HIP1: variants seen among roughly 807,000 people sequenced by gnomAD.
HIP1 encodes the protein huntingtin-interacting protein 1.
Under a neutral mutation model 147.6 loss-of-function variants are expected in HIP1, and 65 were observed. The observed-to-expected ratio is 0.44, with a 90% CI of 0.36 to 0.54. The LOEUF (loss-of-function observed/expected upper bound fraction) is 0.54. HIP1 is among the 20% of genes least tolerant of loss of function. HIP1 has a pLI of 0.00. For missense variants in HIP1, 1,061 were observed against 1,299.6 expected, an observed-to-expected ratio of 0.82 and a Z score of 2.82; for synonymous variants, 479 against 504.0, an observed-to-expected ratio of 0.95 and a Z score of 0.67.
intron 1 of HIP1, among the ~76,000 whole-genome samples, chr7:75,646,111 G>A (rs1321615816): frequency 6.6e-6 from 1 of 151,574 alleles, no homozygotes; most frequent in African/African-American, 2.4e-5. Context: ...ATAGAGTCTC[G>A]CTCTGTTACC....
chr7:75,613,932 C>G (rs10262139), intron 1 of HIP1, among the ~76,000 whole-genome samples: 4,116 of 150,588 alleles, frequency 0.027, 202 homozygotes, highest in African/African-American at 0.096. Context: ...GCTATGTTGC[C>G]TAGGCAGGGT....
chr7:75,680,945 T>G (rs993511026), intron 1 of HIP1, among the ~76,000 whole-genome samples: 4 of 152,094 alleles, frequency 2.6e-5, no homozygotes, highest in African/African-American at 4.8e-5. Flanking sequence ...CTGGCTAATT[T>G]TTTTGTATTT....
At chr7:75,701,298 G>A (rs74532683) in intron 1 of HIP1, among the ~76,000 whole-genome samples, 1 of 152,088 alleles carries the variant, frequency 6.6e-6, no homozygotes, top group Non-Finnish European at 1.5e-5. Flanking sequence ...AACGGCTGAG[G>A]CAGGAGAATC....
At chr7:75,543,058 C>A in intron 27 of HIP1, 84 bp from the exon 28 acceptor site, 1 of 1,450,484 alleles carries the variant, frequency 6.9e-7, no homozygotes, top group Non-Finnish European at 9.3e-7. Flanking sequence ...TGGTTCTTAG[C>A]AAACATATGT....
chr7:75,632,974 T>A (rs189329237), intron 1 of HIP1, among the ~76,000 whole-genome samples: 19 of 152,180 alleles, frequency 1.2e-4, no homozygotes, highest in African/African-American at 3.6e-4. Context: ...CATGGACACG[T>A]GGCAGGGAAT....
At chr7:75,704,546 C>A (rs931132142) in intron 1 of HIP1, among the ~76,000 whole-genome samples, 7 of 151,312 alleles carry the variant, frequency 4.6e-5, no homozygotes, top group African/African-American at 1.7e-4. Context: ...ACCCAGCCTA[C>A]ATAACAGCTT....
At chr7:75,643,932 G>A (rs950079956) in intron 1 of HIP1, among the ~76,000 whole-genome samples, 3 of 152,052 alleles carry the variant, frequency 2.0e-5, no homozygotes, top group South Asian at 4.1e-4. Flanking sequence ...CCTGGGAGGC[G>A]GAGGTTGCAG....
chr7:75,622,063 C>A (rs1237701205), intron 1 of HIP1, among the ~76,000 whole-genome samples: 1 of 151,330 alleles, frequency 6.6e-6, no homozygotes, highest in Non-Finnish European at 1.5e-5. Flanking sequence ...GTGGGCAGAC[C>A]TCTTGAGGCC....
intron 8 of HIP1, among the ~76,000 whole-genome samples, chr7:75,572,638 G>A (rs1385759497): frequency 2.0e-5 from 3 of 152,184 alleles, no homozygotes; most frequent in Non-Finnish European, 4.4e-5. Flanking sequence ...ACACTCCATG[G>A]AACAGGCAGA....
intron 1 of HIP1, among the ~76,000 whole-genome samples, chr7:75,601,984 T>A (rs1339441432): frequency 8.6e-5 from 13 of 151,838 alleles, no homozygotes; most frequent in African/African-American, 3.1e-4. Flanking sequence ...GAATCTATCC[T>A]TTGGAAATAA....
chr7:75,603,207 G>T (rs1361580506), intron 1 of HIP1, among the ~76,000 whole-genome samples: 2 of 152,006 alleles, frequency 1.3e-5, no homozygotes, highest in African/African-American at 4.8e-5. Context: ...AATTAGCTGG[G>T]TGTGGTGGTG....
chr7:75,685,216 C>T (rs1800218048), intron 1 of HIP1, among the ~76,000 whole-genome samples: 1 of 152,022 alleles, frequency 6.6e-6, no homozygotes, highest in Non-Finnish European at 1.5e-5. Flanking sequence ...AGTTGGAAAC[C>T]AGCCTGGACA....
chr7:75,547,890 C>T, intron 23 of HIP1, 77 bp from the exon 24 acceptor site: 4 of 1,309,406 alleles, frequency 3.1e-6, no homozygotes, highest in Non-Finnish European at 4.4e-6. Context: ...ACTTTCAGTC[C>T]AACATCGTGT....
chr7:75,597,777 G>A (rs146783467), intron 2 of HIP1, among the ~76,000 whole-genome samples: 1,630 of 143,034 alleles, frequency 0.011, 28 homozygotes, highest in African/African-American at 0.04. Flanking sequence ...CTGCTTGCCC[G>A]GAACTCCACC....
intron 13 of HIP1, among the ~76,000 whole-genome samples, chr7:75,560,148 A>C (rs1795172943): frequency 6.6e-6 from 1 of 152,086 alleles, no homozygotes; most frequent in Non-Finnish European, 1.5e-5. Context: ...TGGGGGTAGC[A>C]GTGGCTGTCC....
chr7:75,650,451 A>ATTTTTTTTT (rs1798934305), intron 1 of HIP1, among the ~76,000 whole-genome samples: 10 of 104,996 alleles, frequency 9.5e-5, no homozygotes, highest in African/African-American at 3.9e-4. Context: ...CTGCCCAGTT[A>ATTTTTTTTT]TCTTTTTTTT....
At chr7:75,647,114 C>G (rs1287124696) in intron 1 of HIP1, among the ~76,000 whole-genome samples, 1 of 149,782 alleles carries the variant, frequency 6.7e-6, no homozygotes, top group Non-Finnish European at 1.5e-5. Context: ...GCCTGTAATC[C>G]CAGCACTTTG....
chr7:75,592,417 C>T lies in HIP1; in HGVS notation c.282G>A (p.Lys94=). The T allele has an allele frequency of 1.2e-6, 2 of 1,612,634 alleles. No homozygotes were observed. The highest frequency in any genetic ancestry group is 1.7e-4 in the Middle Eastern group (1 of 6,042). The change falls in exon 3 of 31, where the codon AAG becomes AAA. Residue 94 remains lysine, a synonymous_variant. Coordinates refer to ENST00000336926, the MANE Select transcript of HIP1 (RefSeq NM_005338.7). ...PLSSNAVLCW[K]FCHVFHKLLR... The stretch of plus-strand genomic sequence containing the variant: ...GGAGTTTGTGGAACACATGGCAGAA[C>T]TTCCAGCAGAGCACTGCGTTGCTAG...
At chr7:75,539,242 G>A (rs1167835) in intron 30 of HIP1, 81 bp downstream of exon 30, 199,395 of 982,604 alleles carry the variant, frequency 0.2, 22,070 homozygotes, top group African/African-American at 0.24. Context: ...TCCTTGTTCT[G>A]TTCCATTCTA....
Sources: gnomAD v4.1 joint callset for allele counts (sites outside exome capture counted in the v4.1 genomes callset) on GRCh38, gnomAD v4.1.1 for gene constraint, MANE v1.5 for transcripts, NCBI Gene and HGNC (gene_info 2026-07-23, HGNC 2026-07-21) for gene names.